The following UBE2D3 variants were observed in gnomAD, a reference collection of about 807,000 sequenced individuals.
The protein encoded by UBE2D3 is ubiquitin conjugating enzyme E2 D3.
UBE2D3 carries 2 observed loss-of-function variants against 22.8 expected under a neutral mutation model. The observed-to-expected ratio is 0.09, with a 90% CI of 0.04 to 0.28. UBE2D3 has a LOEUF of 0.28. Ranked by LOEUF, UBE2D3 falls within the 10% of genes least tolerant of loss-of-function variation. UBE2D3 has a pLI of 1.00. For synonymous variants in UBE2D3, 56 were observed against 60.4 expected, an observed-to-expected ratio of 0.93 and a Z score of 0.34; for missense variants, 27 against 182.5, an observed-to-expected ratio of 0.15 and a Z score of 4.91.
chr4:102,849,740 G>A (rs1463434709), intron 1 of UBE2D3, among the ~76,000 whole-genome samples: 1 of 152,140 alleles, frequency 6.6e-6, no homozygotes, highest in Non-Finnish European at 1.5e-5. Flanking sequence ...CACTACATTC[G>A]CATCAGAATG....
At chr4:102,834,156 T>G (rs1362666743) in intron 1 of UBE2D3, among the ~76,000 whole-genome samples, 4 of 152,192 alleles carry the variant, frequency 2.6e-5, no homozygotes, top group African/African-American at 9.7e-5. Context: ...TATCAATTGC[T>G]TCCTAACAGA....
chr4:102,829,695 T>A (rs560953028), upstream of UBE2D3, among the ~76,000 whole-genome samples: 442 of 152,304 alleles, frequency 2.9e-3, 3 homozygotes, highest in Non-Finnish European at 4.9e-3. Flanking sequence ...CCCAGCACTT[T>A]GGGAGGCTGA....
In UBE2D3 at chr4:102,801,712, AC is replaced by A. The variant is rs1303284794; in HGVS notation, c.199-154del. On this transcript the variant is annotated intron_variant, in intron 5 of 7. Coordinates refer to ENST00000453744, the MANE Select transcript of UBE2D3 (RefSeq NM_181891.3). ...AACTGATTTTTACAATCTGACCACAACCCCCTGCCTCCTCTTTTTACAACAG... is the reference window on the plus strand; with the variant it reads ...AACTGATTTTTACAATCTGACCACAACCCCTGCCTCCTCTTTTTACAACAG... 8.5e-6 allele frequency: 5 copies of A among 588,402 alleles called. No homozygotes were observed. In the East Asian group the frequency reaches 1.6e-4, roughly 18 times the overall value. 36.4% of individuals were successfully genotyped at this position (588,402 alleles called of 1,614,324 possible). A position where few individuals can be genotyped will look rare whatever the true frequency, so the allele number is the denominator to read the frequency against.
At chr4:102,826,819 T>C (rs1730584280) in intron 1 of UBE2D3, 183 bp from the exon 2 acceptor site, 2 of 1,203,138 alleles carry the variant, frequency 1.7e-6, no homozygotes, top group African/African-American at 1.6e-5. Context: ...GCGGAGGTGG[T>C]GGCTACAAGT....
At position 102,797,293 on chromosome 4, in the gene UBE2D3, AAAAT is replaced by A. The variant is rs1725365022; in HGVS notation, c.*118_*121del. 2 of 818,876 alleles carry A rather than the reference AAAAT, an allele frequency of 2.4e-6. No individual in the cohort carries two copies. The highest frequency in any genetic ancestry group is 3.8e-6 in the Non-Finnish European group (2 of 528,424). The allele number at this position is 818,876 out of a possible 1,614,324, so 50.7% of individuals were successfully genotyped here. A position where few individuals can be genotyped will look rare whatever the true frequency, so the allele number is the denominator to read the frequency against. The stretch of plus-strand genomic sequence containing the variant: ...TGAATGAATGGAGGGAGGTAAACAA[AAAAT>A]AAAATTAAAAAAGATGAGGTCTGAT... On this transcript the variant is annotated 3_prime_UTR_variant, in exon 8 of 8. Coordinates refer to ENST00000453744, the MANE Select transcript of UBE2D3 (RefSeq NM_181891.3).
intron 1 of UBE2D3, among the ~76,000 whole-genome samples, chr4:102,849,415 A>T (rs915998659): frequency 2.8e-4 from 43 of 151,820 alleles, no homozygotes; most frequent in African/African-American, 1.0e-3. Context: ...GTATTACATT[A>T]ATAATTCTGT....
chr4:102,820,095 A>C (rs1729361347), intron 2 of UBE2D3, among the ~76,000 whole-genome samples: 1 of 152,250 alleles, frequency 6.6e-6, no homozygotes, highest in African/African-American at 2.4e-5. Context: ...ATCCTCAAGA[A>C]GACTTTACAA....
At chr4:102,800,536 C>T (rs1169267411) in intron 6 of UBE2D3, among the ~76,000 whole-genome samples, 1 of 152,000 alleles carries the variant, frequency 6.6e-6, no homozygotes, top group South Asian at 2.1e-4. Flanking sequence ...AACTTGGAAA[C>T]TGATATTTAG....
intron 2 of UBE2D3, among the ~76,000 whole-genome samples, chr4:102,816,079 T>C (rs143914414): frequency 4.5e-4 from 69 of 152,326 alleles, no homozygotes; most frequent in African/African-American, 1.4e-3. Context: ...GAGTAAGTCA[T>C]AGCAGATGCT....
chr4:102,809,125 C>G, intron 4 of UBE2D3: 1 of 295,982 alleles, frequency 3.4e-6, no homozygotes, highest in South Asian at 2.7e-5. Context: ...ATCCATAATT[C>G]TGAATATTCA....
chr4:102,867,578 T>C (rs908684571), intron 1 of UBE2D3, among the ~76,000 whole-genome samples: 1 of 152,164 alleles, frequency 6.6e-6, no homozygotes, highest in Non-Finnish European at 1.5e-5. Flanking sequence ...TTTAGAGATA[T>C]TAATAAAAAC....
At chr4:102,798,242 T>C (rs1725510530) in intron 7 of UBE2D3, among the ~76,000 whole-genome samples, 1 of 124,066 alleles carries the variant, frequency 8.1e-6, no homozygotes, top group Non-Finnish European at 1.7e-5. Context: ...CATAGACTAC[T>C]TACAACAACA....
intron 2 of UBE2D3, among the ~76,000 whole-genome samples, chr4:102,822,221 T>C (rs6824384): frequency 0.018 from 2,727 of 152,250 alleles, 77 homozygotes; most frequent in African/African-American, 0.06. Flanking sequence ...GCAGTGTCAG[T>C]AATGCATCCT....
At chr4:102,861,806 T>C (rs17033363) in intron 1 of UBE2D3, among the ~76,000 whole-genome samples, 2,481 of 152,138 alleles carry the variant, frequency 0.016, 71 homozygotes, top group African/African-American at 0.054. Context: ...CCATAATCTT[T>C]TGTCTAGTCA....
chr4:102,815,844 TCAAAA>T (rs758676932), intron 2 of UBE2D3, among the ~76,000 whole-genome samples: 3 of 152,178 alleles, frequency 2.0e-5, no homozygotes, highest in Non-Finnish European at 2.9e-5. Context: ...ATTTTAACAA[TCAAAA>T]CAAAGGTCTT....
Position 102,795,427 on chromosome 4 carries a change from T to C in UBE2D3, c.*1988A>G, listed in dbSNP as rs1003482342. The C allele has an allele frequency of 3.3e-5, 5 of 152,088 alleles. No individual in the cohort carries two copies. The East Asian group carries it at 9.6e-4, about 29-fold the overall frequency. The allele number at this position is 152,088 out of a possible 1,614,324, so 9.4% of individuals were successfully genotyped here. Reference sequence around the variant, plus strand: ...GAGCCAAAGAGCAGTTTTTCTTACCTTGTGGAGCAGAATGTTAACTAATTT... The same window carrying C: ...GAGCCAAAGAGCAGTTTTTCTTACCCTGTGGAGCAGAATGTTAACTAATTT... On this transcript the variant is annotated 3_prime_UTR_variant, in exon 8 of 8. Transcript: ENST00000453744.
At chr4:102,847,023 C>T (rs1732071518) in intron 1 of UBE2D3, among the ~76,000 whole-genome samples, 1 of 152,116 alleles carries the variant, frequency 6.6e-6, no homozygotes, top group Non-Finnish European at 1.5e-5. Flanking sequence ...AGCCTCTATG[C>T]ATAGGAGCCT....
At chr4:102,817,165 A>G (rs1728890529) in intron 2 of UBE2D3, among the ~76,000 whole-genome samples, 1 of 152,248 alleles carries the variant, frequency 6.6e-6, no homozygotes. Context: ...CAGAACAAAT[A>G]CTGCAGAGTT....
chr4:102,802,653 G>A lies in UBE2D3; in HGVS notation c.121-15C>T, dbSNP rs770202052. On this transcript the variant is annotated splice_polypyrimidine_tract_variant and intron_variant, in intron 4 of 7. Transcript: ENST00000453744. ...GGGCTGTCATTCTGTAAAAAGAAAA[G>A]TATGCTTAACTCAAATTTAAAATAT... The A allele has an allele frequency of 8.9e-6, 14 of 1,571,670 alleles. No homozygotes were observed. The highest frequency in any genetic ancestry group is 2.4e-5 in the South Asian group (2 of 84,852).
Sources: allele counts gnomAD v4.1 joint callset (sites outside exome capture counted in the v4.1 genomes callset), GRCh38; gene constraint gnomAD v4.1.1; transcripts MANE v1.5; gene names NCBI Gene and HGNC (gene_info 2026-07-23, HGNC 2026-07-21).